Variants in HEATR9 observed in about 807,000 individuals in gnomAD.
HEATR9 encodes protein HEATR9.
In HEATR9, 54 loss-of-function variants were observed where a neutral mutation model predicts 68.2. The observed-to-expected ratio is 0.79, with a 90% CI of 0.64 to 0.99. HEATR9 has a LOEUF of 0.99. HEATR9 is among the 50% of genes least tolerant of loss of function. The pLI, the probability that HEATR9 is intolerant of heterozygous loss-of-function variation, is 0.00. For synonymous variants in HEATR9, 241 were observed against 253.5 expected, an observed-to-expected ratio of 0.95 and a Z score of 0.47; for missense variants, 662 against 679.7, an observed-to-expected ratio of 0.97 and a Z score of 0.29.
At chr17:35,867,726 C>T (rs1249916682) in intron 1 of HEATR9, among the ~76,000 whole-genome samples, 1 of 152,014 alleles carries the variant, frequency 6.6e-6, no homozygotes, top group Non-Finnish European at 1.5e-5. Flanking sequence ...GTATCTGATT[C>T]ACTAGATTAA....
chr17:35,862,140 A>G (rs548362416), intron 8 of HEATR9, among the ~76,000 whole-genome samples: 4 of 151,996 alleles, frequency 2.6e-5, no homozygotes, highest in East Asian at 1.9e-4. Flanking sequence ...CAGCCTCTCA[A>G]CGTGCTGGGA....
At chr17:35,863,985 G>C (rs1426145850) in intron 6 of HEATR9, 8 of 560,634 alleles carry the variant, frequency 1.4e-5, no homozygotes, top group Non-Finnish European at 2.2e-5. Flanking sequence ...CTGGCTTTCA[G>C]ACTTTCCTGG....
At position 35,858,269 on chromosome 17, in the gene HEATR9, G is replaced by C; in HGVS notation, c.1083C>G (p.Ile361Met). 6.2e-7 allele frequency: 1 copy of C among 1,614,170 alleles called. No homozygotes were observed. The highest frequency in any genetic ancestry group is 1.3e-5 in the African/African-American group (1 of 75,048). ...TGAGTTCCTCTAGCCCCTGTGCCTG[G>C]ATCTGTTCCAGCCCAATGGTCTTGA... Reference protein sequence around the residue: ...QMLKTIGLEQIQAQGLEELTF... With the variant: ...QMLKTIGLEQMQAQGLEELTF... Residue 361 changes from isoleucine (I) to methionine (M), a missense_variant, in exon 11 of 15, where the codon ATC (isoleucine) becomes ATG (methionine). Physicochemically the swap from Ile to Met is conservative, Grantham distance 10. Transcript: ENST00000604834.
Position 35,855,197 on chromosome 17 carries a change from T to C in HEATR9, c.1579A>G (p.Lys527Glu). 1 of 1,614,126 alleles carries C rather than the reference T, an allele frequency of 6.2e-7. No individual in the cohort carries two copies. Residue 527 changes from lysine (K) to glutamate (E), a missense_variant, in exon 15 of 15, where the codon AAA becomes GAA. Lys to Glu is a moderately conservative substitution (Grantham distance 56). Transcript: ENST00000604834. ...NPLFIAKSIT[K>E]VGQKKTPAFP... ...GCAGGCGTTTTCTTTTGGCCTACTT[T>C]GGTGATGGACTTTGCAATAAACAAG... is the stretch of plus-strand genomic sequence containing the variant.
intron 8 of HEATR9, chr17:35,861,487 T>C: frequency 7.6e-7 from 1 of 1,316,980 alleles, no homozygotes; most frequent in Non-Finnish European, 1.1e-6. Context: ...TCTGAACACC[T>C]TGCAGTCGTT....
chr17:35,858,150 A>G (rs371414070), intron 11 of HEATR9, 50 bp downstream of exon 11: 29 of 1,612,506 alleles, frequency 1.8e-5, no homozygotes, highest in Non-Finnish European at 2.4e-5. Context: ...GAACACGGAA[A>G]AGAGAAAGGT....
intron 6 of HEATR9, 147 bp from the exon 7 acceptor site, chr17:35,863,706 G>A (rs898085851): frequency 1.3e-4 from 100 of 795,970 alleles, no homozygotes; most frequent in Non-Finnish European, 1.1e-4. Flanking sequence ...ACAGAATACA[G>A]CCAAAATGGT....
At chr17:35,860,606 C>T (rs896308523) in intron 8 of HEATR9, among the ~76,000 whole-genome samples, 1 of 149,948 alleles carries the variant, frequency 6.7e-6, no homozygotes, top group Non-Finnish European at 1.5e-5. Context: ...TCTCCTGCCT[C>T]AGCCTGCCAA....
chr17:35,856,527 ACT>A (rs1244344648), intron 12 of HEATR9, among the ~76,000 whole-genome samples: 6 of 152,110 alleles, frequency 3.9e-5, no homozygotes, highest in Non-Finnish European at 7.4e-5. Flanking sequence ...AGGTATTATT[ACT>A]CTTTCTTTAC....
chr17:35,862,803 G>C, intron 8 of HEATR9, 192 bp downstream of exon 8: 1 of 675,948 alleles, frequency 1.5e-6, no homozygotes, highest in South Asian at 2.0e-5. Flanking sequence ...CTGAAATTTG[G>C]CTTTTCAGAA....
intron 3 of HEATR9, 125 bp downstream of exon 3, chr17:35,865,090 C>G (rs996314545): frequency 2.2e-6 from 3 of 1,335,958 alleles, no homozygotes; most frequent in Non-Finnish European, 3.1e-6. Flanking sequence ...CCGAGCCGCC[C>G]TAAGCTCCTC....
At chr17:35,866,953 C>CA (rs572008112) in intron 1 of HEATR9, among the ~76,000 whole-genome samples, 180 bp from the exon 2 acceptor site, 103 of 151,410 alleles carry the variant, frequency 6.8e-4, no homozygotes, top group African/African-American at 1.7e-3. Context: ...ACTAAAAATA[C>CA]AAAAAAAACA....
intron 2 of HEATR9, 40 bp downstream of exon 2, chr17:35,866,684 T>C: frequency 6.3e-7 from 1 of 1,593,512 alleles, no homozygotes; most frequent in Non-Finnish European, 8.6e-7. Context: ...CCTCCTAACT[T>C]TGATACAGCT....
At position 35,860,074 on chromosome 17, in the gene HEATR9, C is replaced by T. The variant is rs149333468; in HGVS notation, c.757-1004G>A. Among the ~76,000 whole-genome samples, 471 of 152,262 alleles carry T rather than the reference C, an allele frequency of 3.1e-3. 1 individual carries two copies. Among genetic ancestry groups the T allele is most frequent in the African/African-American group, 9.9e-3 (412 of 41,550 alleles). ...TTGTGTCTTAGACCTTATCTCTTCT[C>T]GCCTATTTAAGGACATCATTTAAGA... On this transcript the variant is annotated intron_variant, in intron 8 of 14. Coordinates refer to ENST00000604834, the MANE Select transcript of HEATR9 (RefSeq NM_152781.4).
chr17:35,859,068 C>T lies in HEATR9; in HGVS notation c.759G>A (p.Arg253=), dbSNP rs2087882921. The change falls in exon 9 of 15, where the codon AGG becomes AGA. Residue 253 remains arginine, a splice_region_variant and synonymous_variant. Coordinates refer to ENST00000604834, the MANE Select transcript of HEATR9 (RefSeq NM_152781.4). The stretch of plus-strand genomic sequence containing the variant: ...GCTTGCCCTCATCCCCGACTTGAGT[C>T]CTCTGTGAGGGAGACAAAATGGCTA... The part of the protein sequence containing the change: ...NSWAAVSKDK[R]TQVGDEGKLV... The T allele has an allele frequency of 3.7e-6, 6 of 1,613,942 alleles. No individual in the cohort carries two copies. Among genetic ancestry groups the T allele is most frequent in the Non-Finnish European group, 5.1e-6 (6 of 1,179,856 alleles).
chr17:35,864,118 G>T (rs548601159), intron 6 of HEATR9, 128 bp downstream of exon 6: 5 of 717,090 alleles, frequency 7.0e-6, no homozygotes, highest in African/African-American at 5.2e-5. Flanking sequence ...GCTGCACAGT[G>T]GTGGCTGTGT....
chr17:35,859,260 G>A (rs947386184), intron 8 of HEATR9, among the ~76,000 whole-genome samples, 190 bp from the exon 9 acceptor site: 1 of 152,010 alleles, frequency 6.6e-6, no homozygotes, highest in Non-Finnish European at 1.5e-5. Flanking sequence ...CTATCTCATG[G>A]ATGGATCACT....
chr17:35,861,711 A>G, intron 8 of HEATR9: 1 of 513,274 alleles, frequency 1.9e-6, no homozygotes, highest in Non-Finnish European at 3.5e-6. Flanking sequence ...GCTCAAATGT[A>G]CCTTCTAAAT....
At chr17:35,860,735 C>A (rs1208136706) in intron 8 of HEATR9, among the ~76,000 whole-genome samples, 2 of 151,796 alleles carry the variant, frequency 1.3e-5, no homozygotes, top group Admixed American at 1.3e-4. Flanking sequence ...GTGATCCACT[C>A]GCCTCAGCCT....
Sources: allele counts gnomAD v4.1 joint callset (sites outside exome capture counted in the v4.1 genomes callset), GRCh38; gene constraint gnomAD v4.1.1; transcripts MANE v1.5; gene names NCBI Gene and HGNC (gene_info 2026-07-23, HGNC 2026-07-21).